The following HCN1 variants were observed in gnomAD, a reference collection of about 807,000 sequenced individuals.
HCN1 encodes the protein hyperpolarization activated cyclic nucleotide gated potassium channel 1.
HCN1 carries 13 observed loss-of-function variants against 78.9 expected under a neutral mutation model. The observed-to-expected ratio is 0.16, with a 90% CI of 0.11 to 0.26. The LOEUF (loss-of-function observed/expected upper bound fraction) is 0.26, where lower values mean the gene tolerates loss of function less well. Among genes scored for constraint, HCN1 ranks in the 10% least tolerant of loss-of-function variants. The pLI, the probability that HCN1 is intolerant of heterozygous loss-of-function variation, is 1.00. For missense variants in HCN1, 810 were observed against 1,154.3 expected (o/e 0.70, Z 4.32); for synonymous variants, 552 against 455.5 (o/e 1.21, Z -2.70).
At chr5:45,689,220 C>G (rs183694100) in intron 1 of HCN1, among the ~76,000 whole-genome samples, 14 of 152,046 alleles carry the variant, frequency 9.2e-5, no homozygotes, top group Non-Finnish European at 1.6e-4. Flanking sequence ...ATCTGTGCAG[C>G]AAACTACCAT....
intron 3 of HCN1, among the ~76,000 whole-genome samples, chr5:45,402,555 T>C (rs1235566551): frequency 6.6e-6 from 1 of 152,142 alleles, no homozygotes; most frequent in Non-Finnish European, 1.5e-5. Context: ...AGAGGAAGGA[T>C]GTAATAAGGA....
intron 3 of HCN1, among the ~76,000 whole-genome samples, chr5:45,416,183 A>G (rs1561146242): frequency 6.6e-6 from 1 of 151,974 alleles, no homozygotes; most frequent in African/African-American, 2.4e-5. Flanking sequence ...AATGCAAAAT[A>G]TTTCAAATTT....
intron 1 of HCN1, among the ~76,000 whole-genome samples, chr5:45,686,607 T>A (rs938265326): frequency 6.6e-6 from 1 of 151,912 alleles, no homozygotes; most frequent in Non-Finnish European, 1.5e-5. Flanking sequence ...TTCTTTTCCC[T>A]TTTTTAGACA....
Position 45,374,274 on chromosome 5 carries a change from A to G in HCN1, c.1231-21028T>C, listed in dbSNP as rs181563992. ...ACATTATATACATAACATATATATTATATACATTATATACATTATATATAT... is the reference window on the plus strand; with the variant it reads ...ACATTATATACATAACATATATATTGTATACATTATATACATTATATATAT... On this transcript the variant is annotated intron_variant, in intron 4 of 7. Transcript: ENST00000303230. 6.5e-3 allele frequency among the ~76,000 whole-genome samples: 632 copies of G among 97,206 alleles called. 8 individuals are homozygous for G. Among genetic ancestry groups the G allele is most frequent in the African/African-American group, 0.031 (588 of 18,880 alleles). The allele number at this position is 97,206 out of a possible 152,430, so 63.8% of individuals were successfully genotyped here.
chr5:45,438,917 G>A (rs1740617358), intron 3 of HCN1, among the ~76,000 whole-genome samples: 1 of 152,134 alleles, frequency 6.6e-6, no homozygotes, highest in Admixed American at 6.5e-5. Flanking sequence ...TATAGAAAGA[G>A]TATGGATTTA....
At chr5:45,356,386 TA>T (rs1001666541) in intron 4 of HCN1, among the ~76,000 whole-genome samples, 8 of 151,946 alleles carry the variant, frequency 5.3e-5, no homozygotes, top group Non-Finnish European at 1.0e-4. Flanking sequence ...TAAAAATTTA[TA>T]AAAGTATGCA....
At chr5:45,361,500 T>C (rs937959631) in intron 4 of HCN1, among the ~76,000 whole-genome samples, 2 of 152,182 alleles carry the variant, frequency 1.3e-5, no homozygotes, top group East Asian at 3.9e-4. Flanking sequence ...TCAGTAGAGA[T>C]GGGGTTTCAC....
chr5:45,302,676 C>T (rs2111903109), intron 6 of HCN1, among the ~76,000 whole-genome samples: 1 of 151,516 alleles, frequency 6.6e-6, no homozygotes, highest in East Asian at 2.0e-4. Flanking sequence ...TATGGTTTGG[C>T]TGTGTCCCCA....
At position 45,261,805 on chromosome 5, in the gene HCN1, T is replaced by C. The variant is rs1744739634; in HGVS notation, c.*116A>G. On this transcript the variant is annotated 3_prime_UTR_variant, in exon 8 of 8. Transcript: ENST00000303230. Reference sequence around the variant, plus strand: ...ATTTCACGTGTAGGCCACAGCTGTCTAAAATATCTCTTCATAGTAGGCTAG... The same window carrying C: ...ATTTCACGTGTAGGCCACAGCTGTCCAAAATATCTCTTCATAGTAGGCTAG... 5 of 1,323,322 alleles carry C rather than the reference T, an allele frequency of 3.8e-6. No individual in the cohort carries two copies. The highest frequency in any genetic ancestry group is 4.3e-6 in the Non-Finnish European group (4 of 925,906). The allele number at this position is 1,323,322 out of a possible 1,614,324, so 82.0% of individuals were successfully genotyped here.
intron 2 of HCN1, chr5:45,643,630 C>T (rs971284605): frequency 6.6e-6 from 1 of 152,160 alleles, no homozygotes; most frequent in African/African-American, 2.4e-5. Flanking sequence ...CCCAGCTCCA[C>T]TTCTTACTAG....
At chr5:45,630,098 G>A in intron 2 of HCN1, among the ~76,000 whole-genome samples, 1 of 152,208 alleles carries the variant, frequency 6.6e-6, no homozygotes, top group South Asian at 2.1e-4. Flanking sequence ...TGTGAGCTTG[G>A]GAGGGAGATC....
chr5:45,537,523 CTTTTTT>C (rs71000638), intron 2 of HCN1, among the ~76,000 whole-genome samples: 16 of 25,758 alleles, frequency 6.2e-4, no homozygotes, highest in African/African-American at 2.0e-3. Flanking sequence ...AACTCTAAGT[CTTTTTT>C]TTTTTTTTTT....
At chr5:45,542,797 T>C (rs941296809) in intron 2 of HCN1, among the ~76,000 whole-genome samples, 1 of 152,168 alleles carries the variant, frequency 6.6e-6, no homozygotes, top group African/African-American at 2.4e-5. Flanking sequence ...GGAGAAGCTA[T>C]TACACTGAAA....
intron 4 of HCN1, among the ~76,000 whole-genome samples, chr5:45,373,289 T>TTA (rs1326417244): frequency 1.9e-3 from 219 of 113,734 alleles, no homozygotes; most frequent in African/African-American, 7.4e-3. Flanking sequence ...ATATTATATA[T>TTA]TATATATATT....
At chr5:45,315,618 A>G (rs886964419) in intron 5 of HCN1, among the ~76,000 whole-genome samples, 1 of 152,196 alleles carries the variant, frequency 6.6e-6, no homozygotes, top group African/African-American at 2.4e-5. Context: ...AAAACCATGA[A>G]TCCAGGAGCT....
intron 2 of HCN1, among the ~76,000 whole-genome samples, chr5:45,544,648 T>A (rs941685671): frequency 7.6e-6 from 1 of 131,182 alleles, no homozygotes; most frequent in Admixed American, 8.6e-5. Flanking sequence ...CCCCACCTAG[T>A]GTCCAAGTGT....
chr5:45,544,789 TC>T (rs1438919418), intron 2 of HCN1, among the ~76,000 whole-genome samples: 1 of 152,168 alleles, frequency 6.6e-6, no homozygotes, highest in Non-Finnish European at 1.5e-5. Context: ...TCATCCTTTT[TC>T]ATGACTGCAT....
intron 5 of HCN1, among the ~76,000 whole-genome samples, chr5:45,308,512 G>C (rs1327071760): frequency 6.6e-6 from 1 of 152,000 alleles, no homozygotes; most frequent in Admixed American, 6.6e-5. Context: ...GTAAATGCTT[G>C]AAAACAATTA....
intron 4 of HCN1, among the ~76,000 whole-genome samples, chr5:45,374,146 A>ATATACATATATG (rs1561130300): frequency 3.4e-5 from 4 of 118,610 alleles, no homozygotes; most frequent in African/African-American, 1.3e-4. Flanking sequence ...TATACATATT[A>ATATACATATATG]TATATAATAT....
Sources: allele counts gnomAD v4.1 joint callset (sites outside exome capture counted in the v4.1 genomes callset), GRCh38; gene constraint gnomAD v4.1.1; transcripts MANE v1.5; gene names NCBI Gene and HGNC (gene_info 2026-07-23, HGNC 2026-07-21).